MOB3B: variants seen among roughly 807,000 people sequenced by gnomAD.
MOB3B encodes MOB kinase activator-like 2B.
A neutral mutation model predicts 18.7 loss-of-function variants in MOB3B; 7 were observed. The ratio of observed to expected loss-of-function variants is 0.37; its 90% CI spans 0.21 to 0.70. The LOEUF is 0.70. Ranked by LOEUF, MOB3B falls within the 30% of genes least tolerant of loss-of-function variation. MOB3B has a pLI of 0.52. For synonymous variants in MOB3B, 111 were observed against 99.9 expected, an observed-to-expected ratio of 1.11 and a Z score of -0.66; for missense variants, 253 against 281.3, an observed-to-expected ratio of 0.90 and a Z score of 0.72.
intron 2 of MOB3B, among the ~76,000 whole-genome samples, chr9:27,370,153 C>A (rs1242905547): frequency 6.6e-6 from 1 of 151,902 alleles, no homozygotes; most frequent in Non-Finnish European, 1.5e-5. Context: ...GGAGGTGGGG[C>A]CTTTGGGAGG....
chr9:27,440,807 T>C (rs955271416), intron 2 of MOB3B, among the ~76,000 whole-genome samples: 8 of 152,052 alleles, frequency 5.3e-5, no homozygotes, highest in Non-Finnish European at 4.4e-5. Context: ...CACATAACTG[T>C]GAATACTGAT....
intron 1 of MOB3B, among the ~76,000 whole-genome samples, chr9:27,505,754 T>C (rs1477514754): frequency 1.3e-5 from 2 of 152,166 alleles, no homozygotes; most frequent in Non-Finnish European, 2.9e-5. Flanking sequence ...TTGGATGCAC[T>C]TTGGCAAACC....
At chr9:27,503,076 C>T (rs1010524026) in intron 1 of MOB3B, among the ~76,000 whole-genome samples, 24 of 152,216 alleles carry the variant, frequency 1.6e-4, no homozygotes, top group Admixed American at 2.6e-4. Flanking sequence ...TTTCCCAATT[C>T]AGTGAAGCAG....
At chr9:27,426,630 A>G (rs1464844952) in intron 2 of MOB3B, among the ~76,000 whole-genome samples, 1 of 152,190 alleles carries the variant, frequency 6.6e-6, no homozygotes, top group South Asian at 2.1e-4. Context: ...TGCTTCTTCA[A>G]AGGAGTCCAG....
chr9:27,445,219 T>G (rs1425734956), intron 2 of MOB3B, among the ~76,000 whole-genome samples: 1 of 152,208 alleles, frequency 6.6e-6, no homozygotes, highest in Non-Finnish European at 1.5e-5. Context: ...ACCAGGAACA[T>G]CCTAAGCACT....
At chr9:27,502,665 C>G (rs1355553917) in intron 1 of MOB3B, among the ~76,000 whole-genome samples, 7 of 152,322 alleles carry the variant, frequency 4.6e-5, no homozygotes, top group Admixed American at 2.0e-4. Context: ...GCTTCAGAAT[C>G]TTTCTTAACA....
chr9:27,380,746 G>A (rs1472714540), intron 2 of MOB3B, among the ~76,000 whole-genome samples: 5 of 133,326 alleles, frequency 3.8e-5, no homozygotes, highest in Non-Finnish European at 7.6e-5. Context: ...AGCTATTCAA[G>A]CTATTTCAGG....
At chr9:27,371,602 A>T (rs1261539803) in intron 2 of MOB3B, among the ~76,000 whole-genome samples, 1 of 152,224 alleles carries the variant, frequency 6.6e-6, no homozygotes, top group Non-Finnish European at 1.5e-5. Context: ...TATTTACTTG[A>T]ATATGTCTTA....
intron 1 of MOB3B, among the ~76,000 whole-genome samples, chr9:27,517,647 CA>C (rs756559270): frequency 7.0e-4 from 38 of 54,264 alleles, no homozygotes; most frequent in African/African-American, 2.9e-3. Flanking sequence ...GACTCTGTCT[CA>C]AAAAAAAAAA....
intron 1 of MOB3B, among the ~76,000 whole-genome samples, chr9:27,515,211 T>C (rs1820213749): frequency 6.6e-6 from 1 of 152,360 alleles, no homozygotes; most frequent in South Asian, 2.1e-4. Context: ...TTTCCCTCAA[T>C]TCTGATTTCG....
chr9:27,404,298 T>C (rs1821932060), intron 2 of MOB3B, among the ~76,000 whole-genome samples: 1 of 151,850 alleles, frequency 6.6e-6, no homozygotes, highest in South Asian at 2.1e-4. Flanking sequence ...AATATTCCAT[T>C]GTGCATATAA....
At chr9:27,419,070 A>C (rs1290175367) in intron 2 of MOB3B, among the ~76,000 whole-genome samples, 4 of 151,880 alleles carry the variant, frequency 2.6e-5, no homozygotes, top group African/African-American at 9.7e-5. Flanking sequence ...CAAAAAAAAA[A>C]AAAAAAGACT....
chr9:27,475,937 C>T (rs1011745970), intron 1 of MOB3B, among the ~76,000 whole-genome samples: 3 of 152,200 alleles, frequency 2.0e-5, no homozygotes, highest in Non-Finnish European at 2.9e-5. Context: ...AGACAGGAGC[C>T]AGAGTGGTAC....
chr9:27,498,107 C>A (rs936853896), intron 1 of MOB3B, among the ~76,000 whole-genome samples: 48 of 152,290 alleles, frequency 3.2e-4, no homozygotes, highest in African/African-American at 1.1e-3. Context: ...CTGCCCACCC[C>A]CTTCTCCAGG....
At chr9:27,512,924 T>A (rs1374632517) in intron 1 of MOB3B, among the ~76,000 whole-genome samples, 3 of 152,158 alleles carry the variant, frequency 2.0e-5, no homozygotes, top group African/African-American at 7.2e-5. Flanking sequence ...GGAAAGTACA[T>A]CAGGGTATAC....
chr9:27,381,688 C>A (rs1196691379), intron 2 of MOB3B, among the ~76,000 whole-genome samples: 1 of 152,120 alleles, frequency 6.6e-6, no homozygotes, highest in African/African-American at 2.4e-5. Flanking sequence ...ACTCTGTTGT[C>A]CAGGCTGGTG....
At position 27,455,504 on chromosome 9, in the gene MOB3B, C is replaced by A; in HGVS notation, c.47G>T (p.Arg16Leu). ...GCCAGGTTCAAATTTCCTCTTGGGTCGGAAGGTCTTGTCCTTGTTGAATAC... is the reference window on the plus strand; with the variant it reads ...GCCAGGTTCAAATTTCCTCTTGGGTAGGAAGGTCTTGTCCTTGTTGAATAC... ...KQVFNKDKTFRPKRKFEPGTQ... is the reference protein window; with the variant it reads ...KQVFNKDKTFLPKRKFEPGTQ... Residue 16 changes from arginine to leucine, a missense_variant, in exon 2 of 4, where the codon CGA becomes CTA. By Grantham distance (102) the Arg-to-Leu change is moderately radical (BLOSUM62 -2). Transcript: ENST00000262244. 1.9e-6 allele frequency: 3 copies of A among 1,614,142 alleles called. No individual in the cohort carries two copies. Among genetic ancestry groups the A allele is most frequent in the Non-Finnish European group, 8.5e-7 (1 of 1,180,026 alleles).
intron 3 of MOB3B, among the ~76,000 whole-genome samples, chr9:27,340,375 T>C (rs1043713327): frequency 6.6e-6 from 1 of 152,124 alleles, no homozygotes; most frequent in African/African-American, 2.4e-5. Context: ...TCACTTTATG[T>C]AAACATATTC....
At chr9:27,511,215 A>C (rs985186354) in intron 1 of MOB3B, among the ~76,000 whole-genome samples, 1 of 25,504 alleles carries the variant, frequency 3.9e-5, no homozygotes, top group African/African-American at 6.7e-5. Flanking sequence ...TTCATCTTTG[A>C]CAAAAAAAAA....
Sources: gnomAD v4.1 joint callset for allele counts (sites outside exome capture counted in the v4.1 genomes callset) on GRCh38, gnomAD v4.1.1 for gene constraint, MANE v1.5 for transcripts, NCBI Gene and HGNC (gene_info 2026-07-23, HGNC 2026-07-21) for gene names.